DPP10: variants seen among roughly 807,000 people sequenced by gnomAD.
The protein encoded by DPP10 is inactive dipeptidyl peptidase 10.
DPP10 carries 33 observed loss-of-function variants against 120.9 expected under a neutral mutation model. The observed-to-expected ratio is 0.27, with a 90% confidence interval of 0.21 to 0.37. The LOEUF (loss-of-function observed/expected upper bound fraction) is 0.37, where lower values mean the gene tolerates loss of function less well. Among genes scored for constraint, DPP10 ranks in the 10% least tolerant of loss-of-function variants. DPP10 has a pLI of 1.00. For missense variants in DPP10, 816 were observed against 942.8 expected (o/e 0.87, Z 1.76); for synonymous variants, 337 against 326.1 (o/e 1.03, Z -0.36).
chr2:115,173,316 T>A (rs896813798), intron 1 of DPP10, among the ~76,000 whole-genome samples: 19 of 152,134 alleles, frequency 1.2e-4, no homozygotes, highest in Non-Finnish European at 2.4e-4. Flanking sequence ...TCACATTGCT[T>A]ATTGGTCACA....
At chr2:114,870,557 C>CAAGAATTTTTTAAAAAA (rs1690613425) in intron 1 of DPP10, among the ~76,000 whole-genome samples, 1 of 82,620 alleles carries the variant, frequency 1.2e-5, no homozygotes, top group Admixed American at 1.4e-4. Flanking sequence ...AGGGGGAACT[C>CAAGAATTTTTTAAAAAA]TTGGCTGAAG....
Position 115,712,539 on chromosome 2 carries a change from ATTAAAT to A in DPP10, c.577-15276_577-15271del, listed in dbSNP as rs1323159726. Among the ~76,000 whole-genome samples the A allele has an allele frequency of 2.0e-4, 2 of 9,870 alleles. 1 individual carries two copies. Among genetic ancestry groups the A allele is most frequent in the Non-Finnish European group, 6.9e-3 (2 of 288 alleles). The allele number at this position is 9,870 out of a possible 152,430, so 6.5% of individuals were successfully genotyped here. ...TAGAAATAGCTTTGAAGAGTCCTGA[ATTAAAT>A]ATATATATATATATATATATAAAGA... On this transcript the variant is annotated intron_variant, in intron 7 of 25. Coordinates refer to ENST00000410059, the MANE Select transcript of DPP10 (RefSeq NM_020868.6).
rs1690325222 is a variant in DPP10 at position 115,843,278 on chromosome 2, G to A, written c.*933G>A. The A allele has an allele frequency of 6.6e-6, 1 of 152,550 alleles. No individual in the cohort carries two copies. The highest frequency in any genetic ancestry group is 2.4e-5 in the African/African-American group (1 of 41,434). The allele number at this position is 152,550 out of a possible 1,614,324, so 9.4% of individuals were successfully genotyped here. On this transcript the variant is annotated 3_prime_UTR_variant, in exon 26 of 26. Coordinates refer to ENST00000410059, the MANE Select transcript of DPP10 (RefSeq NM_020868.6). The stretch of plus-strand genomic sequence containing the variant: ...ATGATACCTTGTCACATGTAAATTA[G>A]ATACTTAAATATTAAATTATAGTTT...
intron 1 of DPP10, among the ~76,000 whole-genome samples, chr2:115,062,075 ATAT>A (rs1188991070): frequency 6.6e-6 from 1 of 151,512 alleles, no homozygotes; most frequent in African/African-American, 2.4e-5. Flanking sequence ...AAAATTTAAA[ATAT>A]TATTTCATGA....
intron 1 of DPP10, among the ~76,000 whole-genome samples, chr2:115,159,322 G>C (rs948059022): frequency 6.6e-6 from 1 of 152,122 alleles, no homozygotes; most frequent in African/African-American, 2.4e-5. Context: ...GCTTGGTGTG[G>C]TGGCGCGCGC....
chr2:115,465,362 T>C (rs1451800989), intron 3 of DPP10, among the ~76,000 whole-genome samples: 2 of 152,166 alleles, frequency 1.3e-5, no homozygotes, highest in East Asian at 1.9e-4. Context: ...GGAAGTACTA[T>C]ACTTTAAAAG....
Position 115,093,429 on chromosome 2 carries a change from A to G in DPP10, c.61-215810A>G, listed in dbSNP as rs10181569. On this transcript the variant is annotated intron_variant, in intron 1 of 25. Transcript: ENST00000410059. ...ATTATAAAAGATAATTGCCCAATATAAATAATAACTAAAATTTAAGAAGAA... is the reference window on the plus strand; with the variant it reads ...ATTATAAAAGATAATTGCCCAATATGAATAATAACTAAAATTTAAGAAGAA... Among the ~76,000 whole-genome samples, 181 of 152,264 alleles carry G rather than the reference A, an allele frequency of 1.2e-3. 1 individual carries two copies. The highest frequency in any genetic ancestry group is 3.6e-3 in the African/African-American group (148 of 41,572).
intron 17 of DPP10, among the ~76,000 whole-genome samples, chr2:115,787,809 TTAAA>T (rs1683508663): frequency 6.6e-6 from 1 of 152,110 alleles, no homozygotes; most frequent in African/African-American, 2.4e-5. Context: ...GAAAAACATT[TTAAA>T]TAATCAGAAA....
intron 5 of DPP10, among the ~76,000 whole-genome samples, chr2:115,645,600 C>CTA (rs2087175315): frequency 6.6e-6 from 1 of 152,148 alleles, no homozygotes; most frequent in African/African-American, 2.4e-5. Context: ...CTCCCCCTTA[C>CTA]TAAGCCATCA....
intron 1 of DPP10, among the ~76,000 whole-genome samples, chr2:114,876,046 G>T (rs1691124404): frequency 6.6e-6 from 1 of 151,932 alleles, no homozygotes; most frequent in Admixed American, 6.6e-5. Flanking sequence ...GCAAACTACG[G>T]ATAAAGTAAA....
chr2:115,058,671 G>A (rs754687336), intron 1 of DPP10, among the ~76,000 whole-genome samples: 14 of 152,164 alleles, frequency 9.2e-5, no homozygotes, highest in Non-Finnish European at 1.8e-4. Flanking sequence ...AAAGTGCAGG[G>A]ATTACAGACG....
chr2:114,726,103 G>C (rs1038077111), intron 1 of DPP10, among the ~76,000 whole-genome samples: 3 of 152,062 alleles, frequency 2.0e-5, no homozygotes, highest in Non-Finnish European at 4.4e-5. Flanking sequence ...GGGCATAGTG[G>C]TGGGCGCCTG....
chr2:114,747,351 T>A (rs1038283001), intron 1 of DPP10, among the ~76,000 whole-genome samples: 2 of 152,212 alleles, frequency 1.3e-5, no homozygotes, highest in African/African-American at 2.4e-5. Context: ...AACTATAAGA[T>A]CCTTTATTTA....
chr2:115,754,557 A>G (rs958161711), intron 11 of DPP10, among the ~76,000 whole-genome samples: 2 of 152,178 alleles, frequency 1.3e-5, no homozygotes, highest in Non-Finnish European at 2.9e-5. Flanking sequence ...TCACCTTTCA[A>G]TTACACTGTA....
chr2:115,508,922 A>T (rs2077086709), intron 4 of DPP10, among the ~76,000 whole-genome samples: 1 of 152,118 alleles, frequency 6.6e-6, no homozygotes, highest in Non-Finnish European at 1.5e-5. Flanking sequence ...AATAAATAAG[A>T]AATGAAGATG....
At position 115,038,432 on chromosome 2, in the gene DPP10, G is replaced by A. The variant is rs551359776; in HGVS notation, c.61-270807G>A. On this transcript the variant is annotated intron_variant, in intron 1 of 25. Coordinates refer to ENST00000410059, the MANE Select transcript of DPP10 (RefSeq NM_020868.6). Reference sequence around the variant, plus strand: ...ACTACAGGCGCCCGCCACCACGCCCGGCTAATGTTTTTTTTAACAGATTTT... The same window carrying A: ...ACTACAGGCGCCCGCCACCACGCCCAGCTAATGTTTTTTTTAACAGATTTT... Among the ~76,000 whole-genome samples, 16 of 151,710 alleles carry A rather than the reference G, an allele frequency of 1.1e-4. No individual in the cohort carries two copies. The South Asian group carries it at 2.5e-3, about 24-fold the overall frequency.
chr2:115,560,733 G>A (rs1054143322), intron 5 of DPP10, among the ~76,000 whole-genome samples: 1 of 151,700 alleles, frequency 6.6e-6, no homozygotes, highest in Non-Finnish European at 1.5e-5. Context: ...AAGTGATACT[G>A]TTAGCATTCA....
At chr2:114,993,578 GTGTA>G (rs1248239474) in intron 1 of DPP10, among the ~76,000 whole-genome samples, 2,298 of 89,184 alleles carry the variant, frequency 0.026, 80 homozygotes, top group African/African-American at 0.078. Flanking sequence ...GTGTGTGTGT[GTGTA>G]TATATATATA....
In DPP10 at chr2:115,323,038, T is replaced by G. The variant is rs75640933; in HGVS notation, c.175+13685T>G. ...TTCTTAAAATAAGAGAGAAATAAAG[T>G]TTGCCACATTAACTGGCAATTCCTT... is the stretch of plus-strand genomic sequence containing the variant. On this transcript the variant is annotated intron_variant, in intron 2 of 25. Transcript: ENST00000410059. 1.0e-3 allele frequency among the ~76,000 whole-genome samples: 152 copies of G among 152,282 alleles called. 2 individuals carry two copies. The East Asian group carries it at 0.027, about 27-fold the overall frequency.
Sources: allele counts gnomAD v4.1 joint callset (sites outside exome capture counted in the v4.1 genomes callset), GRCh38; gene constraint gnomAD v4.1.1; transcripts MANE v1.5; gene names NCBI Gene and HGNC (gene_info 2026-07-23, HGNC 2026-07-21).